CSMD1: variants seen among roughly 807,000 people sequenced by gnomAD.
CSMD1 encodes the protein CUB and sushi domain-containing protein 1.
CSMD1 carries 213 observed loss-of-function variants against 417.5 expected under a neutral mutation model. That is an observed-to-expected ratio of 0.51 (90% CI 0.46 to 0.57). CSMD1 has a LOEUF of 0.57. Ranked by LOEUF, CSMD1 falls within the 20% of genes least tolerant of loss-of-function variation. CSMD1 has a pLI of 0.00. For synonymous variants in CSMD1, 2,862 were observed against 1,736.8 expected, an observed-to-expected ratio of 1.65 and a Z score of -16.11; for missense variants, 6,923 against 4,529.7, an observed-to-expected ratio of 1.53 and a Z score of -15.17.
intron 3 of CSMD1, among the ~76,000 whole-genome samples, chr8:4,294,501 T>C (rs1472117908): frequency 1.3e-5 from 2 of 152,166 alleles, no homozygotes; most frequent in African/African-American, 4.8e-5. Context: ...AACCTCAGGA[T>C]AATGCCATGA....
chr8:3,043,628 C>A (rs1811251257), intron 50 of CSMD1: 1 of 151,944 alleles, frequency 6.6e-6, no homozygotes, highest in Non-Finnish European at 1.5e-5. Flanking sequence ...GCTAAAGAAA[C>A]AATACCCACA....
intron 52 of CSMD1, among the ~76,000 whole-genome samples, chr8:3,012,935 G>A (rs1419788106): frequency 6.6e-6 from 1 of 152,170 alleles, no homozygotes; most frequent in Non-Finnish European, 1.5e-5. Context: ...TAGTAAATAA[G>A]TCTCACAAGA....
At chr8:3,818,028 C>A (rs1000065703) in intron 5 of CSMD1, among the ~76,000 whole-genome samples, 5 of 152,178 alleles carry the variant, frequency 3.3e-5, no homozygotes, top group African/African-American at 7.2e-5. Flanking sequence ...CCTTCCAACC[C>A]CAAACCACGA....
At chr8:3,203,708 G>A (rs1475911619) in intron 31 of CSMD1, among the ~76,000 whole-genome samples, 1 of 152,180 alleles carries the variant, frequency 6.6e-6, no homozygotes, top group South Asian at 2.1e-4. Flanking sequence ...TAAATAACAG[G>A]AGTGACTAAG....
chr8:3,208,494 T>C (rs1797428707), intron 30 of CSMD1, among the ~76,000 whole-genome samples: 2 of 152,298 alleles, frequency 1.3e-5, no homozygotes, highest in South Asian at 4.1e-4. Flanking sequence ...CTGGATCTGT[T>C]GACCTCGTGA....
chr8:4,203,081 T>C (rs780671328), intron 3 of CSMD1, among the ~76,000 whole-genome samples: 2 of 152,242 alleles, frequency 1.3e-5, no homozygotes, highest in Admixed American at 6.5e-5. Flanking sequence ...GCAAGTGAGA[T>C]GACTTGCAGT....
At chr8:3,991,769 G>C (rs1231080820) in intron 5 of CSMD1, among the ~76,000 whole-genome samples, 1 of 152,124 alleles carries the variant, frequency 6.6e-6, no homozygotes, top group Non-Finnish European at 1.5e-5. Context: ...TTTTTAAAAG[G>C]AGGAGGAAAT....
chr8:3,280,385 T>G (rs764643661), intron 26 of CSMD1, among the ~76,000 whole-genome samples: 1 of 152,208 alleles, frequency 6.6e-6, no homozygotes, highest in Non-Finnish European at 1.5e-5. Flanking sequence ...AAACTCACAT[T>G]TCCAGAGTTG....
chr8:4,185,686 CTA>C (rs891879905), intron 3 of CSMD1, among the ~76,000 whole-genome samples: 1 of 152,126 alleles, frequency 6.6e-6, no homozygotes, highest in African/African-American at 2.4e-5. Flanking sequence ...CAATGAATGT[CTA>C]GTTTGAAGAC....
intron 1 of CSMD1, among the ~76,000 whole-genome samples, chr8:4,946,365 G>C (rs772882321): frequency 6.6e-6 from 1 of 152,126 alleles, no homozygotes; most frequent in Non-Finnish European, 1.5e-5. Flanking sequence ...TCACCATTGA[G>C]AAATGCCCCC....
chr8:3,940,004 T>C (rs1488723494), intron 5 of CSMD1, among the ~76,000 whole-genome samples: 1 of 152,024 alleles, frequency 6.6e-6, no homozygotes, highest in Non-Finnish European at 1.5e-5. Flanking sequence ...CCCCAAAAAC[T>C]ACTGAAATAA....
chr8:4,185,674 C>T (rs1337075132), intron 3 of CSMD1, among the ~76,000 whole-genome samples: 2 of 152,042 alleles, frequency 1.3e-5, no homozygotes, highest in African/African-American at 4.8e-5. Flanking sequence ...CACGTAAATG[C>T]CCAATGAATG....
intron 2 of CSMD1, among the ~76,000 whole-genome samples, chr8:4,509,123 G>C (rs1802687801): frequency 6.6e-6 from 1 of 152,122 alleles, no homozygotes; most frequent in African/African-American, 2.4e-5. Flanking sequence ...AATGATAAAT[G>C]AAGTAAAATA....
intron 10 of CSMD1, among the ~76,000 whole-genome samples, chr8:3,547,498 T>C (rs1281304486): frequency 6.6e-6 from 1 of 152,204 alleles, no homozygotes; most frequent in African/African-American, 2.4e-5. Context: ...TCTGAGCATA[T>C]ATTTATGCCT....
intron 1 of CSMD1, among the ~76,000 whole-genome samples, chr8:4,917,896 A>C (rs1233468619): frequency 1.3e-5 from 2 of 152,182 alleles, no homozygotes; most frequent in African/African-American, 4.8e-5. Flanking sequence ...GTACGATTCA[A>C]AACAGGTCAC....
intron 49 of CSMD1, among the ~76,000 whole-genome samples, chr8:3,074,118 A>C (rs973233022): frequency 1.3e-5 from 2 of 152,192 alleles, no homozygotes; most frequent in Non-Finnish European, 2.9e-5. Context: ...CGTTTCTTGC[A>C]TTTGCGCAGC....
intron 3 of CSMD1, among the ~76,000 whole-genome samples, chr8:4,077,136 GA>G (rs1357115838): frequency 6.6e-6 from 1 of 151,604 alleles, no homozygotes; most frequent in Non-Finnish European, 1.5e-5. Flanking sequence ...ATGAAGTCAA[GA>G]AAGTTAAATG....
chr8:4,445,739 T>A (rs575602566), intron 2 of CSMD1, among the ~76,000 whole-genome samples: 1 of 151,254 alleles, frequency 6.6e-6, no homozygotes, highest in South Asian at 2.1e-4. Flanking sequence ...GCATTAAGTA[T>A]CCAATAATAG....
chr8:3,033,516 G>A (rs116354716), intron 50 of CSMD1, among the ~76,000 whole-genome samples: 4,030 of 151,994 alleles, frequency 0.027, 191 homozygotes, highest in African/African-American at 0.091. Flanking sequence ...ACCAAACACC[G>A]CGTGTTCTCA....
Sources: allele counts gnomAD v4.1 joint callset (sites outside exome capture counted in the v4.1 genomes callset), GRCh38; gene constraint gnomAD v4.1.1; transcripts MANE v1.5; gene names NCBI Gene and HGNC (gene_info 2026-07-23, HGNC 2026-07-21).